Variants in NXPE2 observed in about 807,000 individuals in gnomAD.
The protein encoded by NXPE2 is NXPE family member 2.
Under a neutral mutation model 34.4 loss-of-function variants are expected in NXPE2, and 34 were observed. The ratio of observed to expected loss-of-function variants is 0.99; its 90% CI spans 0.75 to 1.31. NXPE2 has a LOEUF of 1.31. NXPE2 is among the 40% of genes most tolerant of loss of function. NXPE2 has a pLI of 0.00. For synonymous variants in NXPE2, 235 were observed against 231.3 expected (o/e 1.02, Z -0.15); for missense variants, 649 against 672.5 (o/e 0.97, Z 0.39).
At chr11:114,501,455 TCAC>T in the NXPE2 span, among the ~76,000 whole-genome samples, 1 of 152,188 alleles carries the variant, frequency 6.6e-6, no homozygotes. Context: ...AGCATTGAAA[TCAC>T]CACAAATCTC....
chr11:114,641,129 A>G, the NXPE2 span, among the ~76,000 whole-genome samples: 1 of 152,072 alleles, frequency 6.6e-6, no homozygotes, highest in African/African-American at 2.4e-5. Flanking sequence ...GCACGAGTAG[A>G]ATGTATACAA....
the NXPE2 span, among the ~76,000 whole-genome samples, chr11:114,723,064 A>G: frequency 1.3e-5 from 2 of 152,260 alleles, no homozygotes; most frequent in Non-Finnish European, 2.9e-5. Flanking sequence ...GGTTACATAC[A>G]TATGTGGTAA....
At chr11:114,593,875 C>A in the NXPE2 span, among the ~76,000 whole-genome samples, 2 of 152,078 alleles carry the variant, frequency 1.3e-5, no homozygotes, top group East Asian at 3.9e-4. Context: ...TTTGCAACAA[C>A]ATGGATGGAA....
chr11:114,749,164 C>T, the NXPE2 span, among the ~76,000 whole-genome samples: 5 of 152,128 alleles, frequency 3.3e-5, no homozygotes, highest in African/African-American at 9.7e-5. Context: ...ATCTAGGCAC[C>T]TGGTATGTGC....
chr11:114,770,314 C>G, the NXPE2 span, among the ~76,000 whole-genome samples: 1 of 152,138 alleles, frequency 6.6e-6, no homozygotes, highest in Non-Finnish European at 1.5e-5. Context: ...GCCTTCCTAC[C>G]CCCTCCCCAT....
At chr11:114,702,800 G>A (rs1323020953) in intron 3 of NXPE2, among the ~76,000 whole-genome samples, 1 of 152,074 alleles carries the variant, frequency 6.6e-6, no homozygotes, top group Non-Finnish European at 1.5e-5. Flanking sequence ...CAGCCACCCT[G>A]ACCTCTCTTC....
At chr11:114,625,413 G>A in the NXPE2 span, among the ~76,000 whole-genome samples, 4 of 152,194 alleles carry the variant, frequency 2.6e-5, no homozygotes, top group African/African-American at 9.6e-5. Context: ...TGCCTCATGG[G>A]CAACCACTTC....
At chr11:114,582,289 T>C in the NXPE2 span, 1 of 1,562,512 alleles carries the variant, frequency 6.4e-7, no homozygotes, top group Non-Finnish European at 8.6e-7. Context: ...TATTTTTACC[T>C]TTCAAAGAGG....
At chr11:114,746,041 G>A in the NXPE2 span, among the ~76,000 whole-genome samples, 3 of 152,074 alleles carry the variant, frequency 2.0e-5, 1 homozygote, top group East Asian at 1.9e-4. Flanking sequence ...AAATAAAATA[G>A]TATATTTTAT....
the NXPE2 span, among the ~76,000 whole-genome samples, chr11:114,632,570 TATATC>T: frequency 3.5e-5 from 4 of 113,950 alleles, no homozygotes; most frequent in East Asian, 2.2e-4. Flanking sequence ...TATATTTACA[TATATC>T]ATATATTTAT....
the NXPE2 span, among the ~76,000 whole-genome samples, chr11:114,784,034 G>C: frequency 3.9e-5 from 6 of 152,166 alleles, no homozygotes; most frequent in Non-Finnish European, 5.9e-5. Flanking sequence ...TAATTGCTTT[G>C]TAAGCATAAA....
the NXPE2 span, among the ~76,000 whole-genome samples, chr11:114,672,094 C>A: frequency 2.0e-5 from 3 of 151,906 alleles, no homozygotes; most frequent in Admixed American, 6.6e-5. Flanking sequence ...TTGAAACAAC[C>A]AGATCTCATG....
the NXPE2 span, among the ~76,000 whole-genome samples, chr11:114,642,171 A>C: frequency 1.3e-5 from 2 of 152,008 alleles, no homozygotes; most frequent in African/African-American, 2.4e-5. Context: ...TGTACCCTTG[A>C]TATGATGTGA....
At chr11:114,566,561 A>G in the NXPE2 span, among the ~76,000 whole-genome samples, 3 of 152,206 alleles carry the variant, frequency 2.0e-5, no homozygotes, top group African/African-American at 7.2e-5. Context: ...TTTAGAACAT[A>G]AACCCAACTG....
the NXPE2 span, among the ~76,000 whole-genome samples, chr11:114,542,791 C>A: frequency 6.6e-6 from 1 of 152,006 alleles, no homozygotes; most frequent in African/African-American, 2.4e-5. Flanking sequence ...TAAACATAAT[C>A]ATTAGAACAA....
the NXPE2 span, among the ~76,000 whole-genome samples, chr11:114,781,557 C>T: frequency 6.6e-6 from 1 of 152,018 alleles, no homozygotes; most frequent in Non-Finnish European, 1.5e-5. Context: ...GAAAGGCCAT[C>T]CAGCAAGATG....
chr11:114,602,734 ATAAT>A, the NXPE2 span, among the ~76,000 whole-genome samples: 15 of 144,438 alleles, frequency 1.0e-4, no homozygotes, highest in African/African-American at 1.5e-4. Flanking sequence ...TATCTCATAT[ATAAT>A]TAAAGAATCA....
chr11:114,752,081 G>A, the NXPE2 span, among the ~76,000 whole-genome samples: 4 of 152,230 alleles, frequency 2.6e-5, no homozygotes, highest in Non-Finnish European at 5.9e-5. Flanking sequence ...AAGATGCTAC[G>A]TTTGTGTTAA....
At chr11:114,553,391 C>T in the NXPE2 span, among the ~76,000 whole-genome samples, 1 of 152,172 alleles carries the variant, frequency 6.6e-6, no homozygotes, top group Admixed American at 6.5e-5. Flanking sequence ...GACAACCAAG[C>T]AGTTCTGTGG....
Sources: allele counts gnomAD v4.1 joint callset (sites outside exome capture counted in the v4.1 genomes callset), GRCh38; gene constraint gnomAD v4.1.1; transcripts MANE v1.5; gene names NCBI Gene and HGNC (gene_info 2026-07-23, HGNC 2026-07-21).